Variants in MGAM observed in about 807,000 individuals in gnomAD.
MGAM encodes the protein maltase-glucoamylase.
A neutral mutation model predicts 358.8 loss-of-function variants in MGAM; 253 were observed. The ratio of observed to expected loss-of-function variants is 0.71; its 90% CI spans 0.64 to 0.78. The LOEUF (loss-of-function observed/expected upper bound fraction) is 0.78. Among genes scored for constraint, MGAM ranks in the 30% least tolerant of loss-of-function variants. The pLI, the probability that MGAM is intolerant of heterozygous loss-of-function variation, is 0.00. For synonymous variants in MGAM, 1,105 were observed against 1,227.1 expected, an observed-to-expected ratio of 0.90 and a Z score of 2.08; for missense variants, 3,080 against 3,432.6, an observed-to-expected ratio of 0.90 and a Z score of 2.57.
chr7:142,066,010 GA>G, intron 40 of MGAM, among the ~76,000 whole-genome samples, 179 bp downstream of exon 40: 1 of 137,850 alleles, frequency 7.3e-6, no homozygotes, highest in East Asian at 2.1e-4. Flanking sequence ...TGGCCAGGCT[GA>G]ATCGTGCAGT....
chr7:141,998,720 T>C (rs1804483255), intron 1 of MGAM, among the ~76,000 whole-genome samples: 8 of 152,188 alleles, frequency 5.3e-5, no homozygotes, highest in Admixed American at 5.2e-4. Flanking sequence ...TAAACATACG[T>C]GTGCGTGTGT....
chr7:142,000,949 C>T (rs758636464), intron 1 of MGAM, among the ~76,000 whole-genome samples: 1 of 152,162 alleles, frequency 6.6e-6, no homozygotes, highest in Non-Finnish European at 1.5e-5. Flanking sequence ...AAAGCAATCT[C>T]ACATCTTACA....
chr7:142,034,594 T>G (rs6979075), intron 15 of MGAM, 76 bp from the exon 16 acceptor site: 66,201 of 1,354,608 alleles, frequency 0.049, 6,738 homozygotes, highest in African/African-American at 0.41. Context: ...TAATGTCTTT[T>G]GTATTGTTGC....
chr7:142,041,270 C>T (rs868154563), intron 21 of MGAM, among the ~76,000 whole-genome samples: 1 of 152,086 alleles, frequency 6.6e-6, no homozygotes, highest in African/African-American at 2.4e-5. Flanking sequence ...TCCATCTGTA[C>T]TAAAGAGGTG....
intron 66 of MGAM, among the ~76,000 whole-genome samples, chr7:142,099,260 C>T (rs1360518071): frequency 1.3e-5 from 2 of 152,154 alleles, no homozygotes; most frequent in Admixed American, 6.5e-5. Flanking sequence ...GGCCCCAAAT[C>T]TCAATAGTGC....
rs1257257723 is a variant in MGAM, at chr7:142,042,071, TA to T, written c.2498+1227del. Among the ~76,000 whole-genome samples, 49 of 71,824 alleles carry T rather than the reference TA, an allele frequency of 6.8e-4. 1 individual carries two copies. The highest frequency in any genetic ancestry group is 2.5e-3 in the African/African-American group (44 of 17,756). The allele number at this position is 71,824 out of a possible 152,430, so 47.1% of individuals were successfully genotyped here. Reference sequence around the variant, plus strand: ...ATATAATATATATACATATAATATATAACATACAATATATAACATATAATAT... The same window carrying T: ...ATATAATATATATACATATAATATATACATACAATATATAACATATAATAT... On this transcript the variant is annotated intron_variant, in intron 21 of 70. Coordinates refer to ENST00000475668, the MANE Select transcript of MGAM (RefSeq NM_001365693.1).
chr7:142,056,955 C>A lies in MGAM; in HGVS notation c.3693+13C>A. On this transcript the variant is annotated intron_variant, in intron 30 of 70. Transcript: ENST00000475668. ...GCAGTACACTGAGGTAGGGGGAAAT[C>A]CAATTGTTTATCAAGTACTTACACA... The A allele has an allele frequency of 1.2e-6, 2 of 1,612,376 alleles. No homozygotes were observed. The highest frequency in any genetic ancestry group is 1.7e-6 in the Non-Finnish European group (2 of 1,178,748).
At position 142,034,294 on chromosome 7, in the gene MGAM, C is replaced by G. The variant is rs782167135; in HGVS notation, c.1702C>G (p.Leu568Val). 219 of 1,599,550 alleles carry G rather than the reference C, an allele frequency of 1.4e-4. No individual in the cohort carries two copies. The highest frequency in any genetic ancestry group is 1.8e-4 in the Non-Finnish European group (214 of 1,172,924). ...GGATGGGTACCTGTTCTGCAAGACT[C>G]TCTGTATGGATGCAGTGCAGCACTG... ...ILDGYLFCKT[L>V]CMDAVQHWGK... is the part of the protein sequence containing the mutation. The change falls in exon 15 of 71, where the codon CTC becomes GTC. Residue 568 changes from leucine to valine, a missense_variant. Leu to Val is a conservative substitution (Grantham distance 32). This residue lies in a region of MGAM where 1,816 missense variants were observed against 1,840.5 expected (regional missense o/e 0.99). Coordinates refer to ENST00000475668, the MANE Select transcript of MGAM (RefSeq NM_001365693.1).
chr7:142,078,245 T>TAAAAAAAAAAAAAAAAAAAAAAAAAA, intron 47 of MGAM, 73 bp from the exon 48 acceptor site: 1 of 1,153,862 alleles, frequency 8.7e-7, no homozygotes. Context: ...AATAAATAAA[T>TAAAAAAAAAAAAAAAAAAAAAAAAAA]AAATAAAGTC....
chr7:142,048,194 C>G (rs1239024853), intron 22 of MGAM, among the ~76,000 whole-genome samples: 1 of 150,158 alleles, frequency 6.7e-6, no homozygotes, highest in Non-Finnish European at 1.5e-5. Context: ...CTCTTGTTGC[C>G]CAGGCTGGAG....
rs778314856 is a variant in MGAM at position 142,071,062 on chromosome 7, T to G, written c.5130T>G (p.His1710Gln). 1.9e-6 allele frequency: 3 copies of G among 1,556,622 alleles called. No homozygotes were observed. In the Admixed American group the frequency reaches 5.1e-5, roughly 27 times the overall value. ...LPAPLDHINLHVRGGYILPWQ... is the reference protein window; with the variant it reads ...LPAPLDHINLQVRGGYILPWQ... Reference sequence around the variant, plus strand: ...CCCCTCTTGACCACATTAATCTTCATGTCCGTGGGGGCTACATCCTGCCCT... The same window carrying G: ...CCCCTCTTGACCACATTAATCTTCAGGTCCGTGGGGGCTACATCCTGCCCT... Residue 1710 changes from histidine (H) to glutamine (Q), a missense_variant, in exon 44 of 71, where the codon CAT (histidine) becomes CAG (glutamine). Physicochemically the swap from His to Gln is conservative, Grantham distance 24. Around this residue, in one of 5 missense-constraint regions of MGAM, gnomAD observed 932 missense variants for 1,198.2 expected, o/e 0.78. Transcript: ENST00000475668.
chr7:142,090,605 A>C lies in MGAM; in HGVS notation c.6811-1308A>C, dbSNP rs550215844. 6.9e-5 allele frequency among the ~76,000 whole-genome samples: 10 copies of C among 145,802 alleles called. 1 individual carries two copies. Among genetic ancestry groups the C allele is most frequent in the South Asian group, 6.6e-4 (3 of 4,540 alleles). ...CTTTTCTTGCCCTTTATGTAGACATATGGGTTCCTACCTGCCTTTTGTCTA... is the reference window on the plus strand; with the variant it reads ...CTTTTCTTGCCCTTTATGTAGACATCTGGGTTCCTACCTGCCTTTTGTCTA... On this transcript the variant is annotated intron_variant, in intron 57 of 70. Coordinates refer to ENST00000475668, the MANE Select transcript of MGAM (RefSeq NM_001365693.1).
At chr7:142,027,836 T>C in intron 10 of MGAM, 101 bp downstream of exon 10, 2 of 1,294,154 alleles carry the variant, frequency 1.5e-6, no homozygotes, top group Non-Finnish European at 2.0e-6. Flanking sequence ...TTGATTTATT[T>C]ATTTGGTAAT....
intron 51 of MGAM, 88 bp from the exon 52 acceptor site, chr7:142,082,387 C>A (rs1317532539): frequency 4.7e-6 from 6 of 1,286,930 alleles, no homozygotes; most frequent in Non-Finnish European, 4.4e-6. Context: ...GAAAACTAGA[C>A]CCATCTTAGC....
intron 21 of MGAM, among the ~76,000 whole-genome samples, chr7:142,041,386 C>T (rs1417586909): frequency 4.6e-5 from 7 of 152,034 alleles, no homozygotes; most frequent in African/African-American, 1.4e-4. Flanking sequence ...ACCTCTCTTA[C>T]TGCTTTAATT....
chr7:142,029,192 TACA>T (rs1228422665), intron 10 of MGAM, among the ~76,000 whole-genome samples: 5 of 152,048 alleles, frequency 3.3e-5, no homozygotes, highest in Admixed American at 6.6e-5. Context: ...CTACTAAAAA[TACA>T]ACAACAACAA....
At chr7:142,017,405 G>A (rs576051461) in intron 3 of MGAM, among the ~76,000 whole-genome samples, 1 of 152,166 alleles carries the variant, frequency 6.6e-6, no homozygotes, top group African/African-American at 2.4e-5. Context: ...GTCTTATTAT[G>A]TGGGTCTTGC....
At chr7:142,073,621 G>A (rs73740270) in intron 44 of MGAM, among the ~76,000 whole-genome samples, 13,381 of 146,012 alleles carry the variant, frequency 0.092, 1,933 homozygotes, top group African/African-American at 0.22. Context: ...TTACCATTTA[G>A]TAGATGGACC....
At chr7:141,991,275 C>T (rs139716226), upstream of MGAM, among the ~76,000 whole-genome samples, 603 of 152,210 alleles carry the variant, frequency 4.0e-3, 3 homozygotes, top group African/African-American at 0.014. Context: ...GTTTGTAGTA[C>T]ACACATAATG....
Sources: allele counts gnomAD v4.1 joint callset (sites outside exome capture counted in the v4.1 genomes callset), GRCh38; gene constraint gnomAD v4.1.1; regional missense constraint gnomAD v4.1.1; transcripts MANE v1.5; gene names NCBI Gene and HGNC (gene_info 2026-07-23, HGNC 2026-07-21).